Variants in SPIDR observed in about 807,000 individuals in gnomAD.
SPIDR encodes the protein DNA repair-scaffolding protein.
Under a neutral mutation model 104.6 loss-of-function variants are expected in SPIDR, and 93 were observed. That is an observed-to-expected ratio of 0.89 (90% CI 0.75 to 1.06). SPIDR has a LOEUF of 1.06. Among genes scored for constraint, SPIDR ranks in the 50% least tolerant of loss-of-function variants. The pLI is 0.00. For missense variants in SPIDR, 1,154 were observed against 1,111.2 expected (o/e 1.04, Z -0.55); for synonymous variants, 431 against 416.9 (o/e 1.03, Z -0.41).
intron 10 of SPIDR, among the ~76,000 whole-genome samples, chr8:47,600,244 C>T (rs1413791051): frequency 6.6e-6 from 1 of 152,188 alleles, no homozygotes; most frequent in Admixed American, 6.5e-5. Context: ...GGCATGGTTG[C>T]TCACACATAT....
intron 7 of SPIDR, among the ~76,000 whole-genome samples, chr8:47,420,985 A>G (rs2065337107): frequency 6.6e-6 from 1 of 152,276 alleles, no homozygotes; most frequent in Non-Finnish European, 1.5e-5. Context: ...GTCAGCTGTT[A>G]GTCTGATGGG....
intron 10 of SPIDR, among the ~76,000 whole-genome samples, chr8:47,605,157 G>A (rs1487495891): frequency 6.6e-6 from 1 of 152,232 alleles, no homozygotes; most frequent in Non-Finnish European, 1.5e-5. Context: ...GCAGGTAGAA[G>A]AGGAGCCCAC....
intron 5 of SPIDR, among the ~76,000 whole-genome samples, chr8:47,312,593 T>G (rs2044414577): frequency 6.6e-6 from 1 of 152,220 alleles, no homozygotes; most frequent in African/African-American, 2.4e-5. Flanking sequence ...TAAATTTGTT[T>G]GAGTTCATTG....
At chr8:47,445,241 C>G (rs1344592024) in intron 8 of SPIDR, among the ~76,000 whole-genome samples, 1 of 152,322 alleles carries the variant, frequency 6.6e-6, no homozygotes, top group Non-Finnish European at 1.5e-5. Flanking sequence ...TCACCTGTCT[C>G]TATATCACAT....
intron 10 of SPIDR, among the ~76,000 whole-genome samples, chr8:47,665,357 G>A (rs1220725179): frequency 6.6e-6 from 1 of 152,164 alleles, no homozygotes; most frequent in African/African-American, 2.4e-5. Context: ...AATCCCTGAG[G>A]TTAGGTCAGT....
chr8:47,333,927 A>C (rs2049228486), intron 5 of SPIDR, among the ~76,000 whole-genome samples: 1 of 152,186 alleles, frequency 6.6e-6, no homozygotes. Flanking sequence ...AGTGCTATAA[A>C]TTTCTCCTCT....
chr8:47,350,040 G>A (rs568220777), intron 5 of SPIDR, among the ~76,000 whole-genome samples: 80 of 152,278 alleles, frequency 5.3e-4, no homozygotes, highest in Admixed American at 2.2e-3. Context: ...GAAATCACCC[G>A]TCTTCTGCGT....
chr8:47,491,858 A>G (rs1203918232), intron 8 of SPIDR, among the ~76,000 whole-genome samples: 1 of 152,194 alleles, frequency 6.6e-6, no homozygotes, highest in Non-Finnish European at 1.5e-5. Flanking sequence ...CTTAAAAAAA[A>G]GAAAAAGAAA....
intron 5 of SPIDR, among the ~76,000 whole-genome samples, chr8:47,329,095 G>C (rs1554602698): frequency 6.6e-6 from 1 of 150,544 alleles, no homozygotes; most frequent in Admixed American, 6.6e-5. Context: ...TTTTGAGATG[G>C]AGTCTCACTC....
At chr8:47,347,907 C>T (rs1229997222) in intron 5 of SPIDR, among the ~76,000 whole-genome samples, 11 of 152,082 alleles carry the variant, frequency 7.2e-5, no homozygotes, top group Non-Finnish European at 1.6e-4. Context: ...ATCCAATTTG[C>T]TCGTCTGTGT....
At chr8:47,528,921 G>A (rs764432628) in intron 8 of SPIDR, among the ~76,000 whole-genome samples, 5 of 152,142 alleles carry the variant, frequency 3.3e-5, no homozygotes, top group African/African-American at 4.8e-5. Context: ...AACCACAGAT[G>A]CAGGAAGCTT....
Position 47,260,966 on chromosome 8 carries a change from GC to G in SPIDR, c.9del (p.Gly4AlafsTer62). On this transcript the variant is annotated frameshift_variant, in exon 1 of 20. Coordinates refer to ENST00000297423, the MANE Select transcript of SPIDR (RefSeq NM_001080394.4). LOFTEE classifies it high-confidence loss of function. Reference sequence around the variant, plus strand: ...CAGGCGGCGCTCCCGGAGATGCCCCGCGGCAGCCGCGCTCGGGGCTCTAAGG... The same window carrying G: ...CAGGCGGCGCTCCCGGAGATGCCCCGGGCAGCCGCGCTCGGGGCTCTAAGG... MP[R>X]GSRARGSKRK... 1.6e-6 allele frequency: 2 copies of G among 1,229,628 alleles called. No homozygotes were observed. Among genetic ancestry groups the G allele is most frequent in the Non-Finnish European group, 2.0e-6 (2 of 986,312 alleles). The allele number at this position is 1,229,628 out of a possible 1,614,324, so 76.2% of individuals were successfully genotyped here.
intron 5 of SPIDR, among the ~76,000 whole-genome samples, chr8:47,297,942 G>C (rs2041206031): frequency 6.6e-6 from 1 of 152,186 alleles, no homozygotes; most frequent in South Asian, 2.1e-4. Context: ...CTTCATAGCA[G>C]CATATTTTGT....
chr8:47,434,834 T>A (rs2067991684), intron 7 of SPIDR, among the ~76,000 whole-genome samples: 1 of 152,222 alleles, frequency 6.6e-6, no homozygotes, highest in African/African-American at 2.4e-5. Flanking sequence ...TTAGGAAGAC[T>A]TGAGTTGACG....
chr8:47,367,066 A>G (rs2057324707), intron 5 of SPIDR, among the ~76,000 whole-genome samples: 1 of 152,176 alleles, frequency 6.6e-6, no homozygotes, highest in African/African-American at 2.4e-5. Context: ...GACTTCGAGA[A>G]GGGAATTTAT....
intron 5 of SPIDR, among the ~76,000 whole-genome samples, chr8:47,374,712 C>T (rs2058444365): frequency 6.6e-6 from 1 of 152,004 alleles, no homozygotes; most frequent in Admixed American, 6.6e-5. Flanking sequence ...TCAGTTATAC[C>T]TAATTTAATC....
At chr8:47,402,250 C>T (rs1010679914) in intron 6 of SPIDR, among the ~76,000 whole-genome samples, 11 of 152,084 alleles carry the variant, frequency 7.2e-5, no homozygotes, top group Non-Finnish European at 1.6e-4. Flanking sequence ...CAAGAGAAAG[C>T]AGGAAAGATC....
At chr8:47,685,513 A>ATTTTTTTTTTTTTTTTTTTTTTTT (rs376980650) in intron 11 of SPIDR, among the ~76,000 whole-genome samples, 2 of 121,048 alleles carry the variant, frequency 1.7e-5, no homozygotes, top group Admixed American at 8.6e-5. Context: ...TTATTTATTT[A>ATTTTTTTTTTTTTTTTTTTTTTTT]TTTATTTTTT....
intron 8 of SPIDR, among the ~76,000 whole-genome samples, chr8:47,562,521 G>A (rs1486461116): frequency 6.6e-6 from 1 of 152,142 alleles, no homozygotes; most frequent in Non-Finnish European, 1.5e-5. Flanking sequence ...TCACTGGTAG[G>A]ACCAAACACA....
Sources: allele counts gnomAD v4.1 joint callset (sites outside exome capture counted in the v4.1 genomes callset), GRCh38; gene constraint gnomAD v4.1.1; transcripts MANE v1.5; gene names NCBI Gene and HGNC (gene_info 2026-07-23, HGNC 2026-07-21).